Variants in GIGYF2 observed in about 807,000 individuals in gnomAD.
The protein encoded by GIGYF2 is GRB10 interacting GYF protein 2, also known as GRB10-interacting GYF protein 2.
Under a neutral mutation model 208.1 loss-of-function variants are expected in GIGYF2, and 25 were observed. The observed-to-expected ratio is 0.12, with a 90% confidence interval of 0.09 to 0.17. The LOEUF is 0.17. Ranked by LOEUF, GIGYF2 falls within the 10% of genes least tolerant of loss-of-function variation. GIGYF2 has a pLI of 1.00. For synonymous variants in GIGYF2, 534 were observed against 543.8 expected (o/e 0.98, Z 0.25); for missense variants, 1,302 against 1,579.4 (o/e 0.82, Z 2.98).
chr2:232,830,807 C>A (rs1257834375), intron 21 of GIGYF2, among the ~76,000 whole-genome samples: 3 of 106,952 alleles, frequency 2.8e-5, no homozygotes, highest in African/African-American at 1.1e-4. Flanking sequence ...ATAGCGAGAC[C>A]CTGTCTCTAC....
At chr2:232,702,209 T>G (rs1462481020) in intron 1 of GIGYF2, among the ~76,000 whole-genome samples, 4 of 151,702 alleles carry the variant, frequency 2.6e-5, no homozygotes, top group African/African-American at 7.3e-5. Context: ...GAGGCTGAGG[T>G]GGGTGGATCA....
chr2:232,701,972 G>T, intron 1 of GIGYF2, among the ~76,000 whole-genome samples: 1 of 151,924 alleles, frequency 6.6e-6, no homozygotes, highest in East Asian at 1.9e-4. Context: ...ACCAGCCGGG[G>T]CAACAGAGAG....
intron 22 of GIGYF2, 84 bp downstream of exon 22, chr2:232,833,177 A>G (rs1701476811): frequency 1.4e-6 from 1 of 727,432 alleles, no homozygotes; most frequent in Admixed American, 2.9e-5. Context: ...TAGCAGTAAA[A>G]CTGTTCTTTC....
Position 232,783,939 on chromosome 2 carries a change from C to T in GIGYF2, c.533-3211C>T, listed in dbSNP as rs1025985793. ...CTGACCTCAGGTGATCCGCCCGCCT[C>T]GGCCTCCCAAAGTGCAGGGATTACA... On this transcript the variant is annotated intron_variant, in intron 8 of 28. Coordinates refer to ENST00000373563, the MANE Select transcript of GIGYF2 (RefSeq NM_001103146.3). Among the ~76,000 whole-genome samples the T allele has an allele frequency of 1.5e-4, 23 of 152,304 alleles. No individual in the cohort carries two copies. The East Asian group carries it at 2.1e-3, about 14-fold the overall frequency.
intron 2 of GIGYF2, 104 bp from the exon 3 acceptor site, chr2:232,735,051 A>C: frequency 1.5e-6 from 1 of 649,570 alleles, no homozygotes; most frequent in East Asian, 2.7e-5. Context: ...TTGTGACTCT[A>C]GTTGAGAGGA....
intron 2 of GIGYF2, among the ~76,000 whole-genome samples, chr2:232,714,792 T>C (rs1696602524): frequency 6.9e-6 from 1 of 143,946 alleles, no homozygotes; most frequent in Non-Finnish European, 1.5e-5. Context: ...TCTGGCATCT[T>C]TTTTTTTTTC....
At chr2:232,799,542 C>T (rs1700327691) in intron 14 of GIGYF2, among the ~76,000 whole-genome samples, 1 of 122,444 alleles carries the variant, frequency 8.2e-6, no homozygotes, top group Non-Finnish European at 1.7e-5. Context: ...ACAGCAAGAC[C>T]CTGTCTTTAA....
In GIGYF2 at chr2:232,790,996, C is replaced by G; in HGVS notation, c.931-12C>G. ...TCTGCTGTTGATCTTTGGTTTTATT[C>G]TCTTTCTACAGAAAGTACAGAAAGA... On this transcript the variant is annotated splice_polypyrimidine_tract_variant and intron_variant, in intron 10 of 28. Coordinates refer to ENST00000373563, the MANE Select transcript of GIGYF2 (RefSeq NM_001103146.3). 1 of 1,613,918 alleles carries G rather than the reference C, an allele frequency of 6.2e-7. No individual in the cohort carries two copies. Among genetic ancestry groups the G allele is most frequent in the Non-Finnish European group, 8.5e-7 (1 of 1,179,864 alleles).
chr2:232,734,986 A>G (rs1370260353), intron 2 of GIGYF2, among the ~76,000 whole-genome samples, 169 bp from the exon 3 acceptor site: 1 of 152,142 alleles, frequency 6.6e-6, no homozygotes, highest in Non-Finnish European at 1.5e-5. Context: ...TGATTTATTC[A>G]TTTCACTTTG....
chr2:232,787,499 C>T (rs1392038787), intron 9 of GIGYF2, among the ~76,000 whole-genome samples, 170 bp downstream of exon 9: 1 of 152,106 alleles, frequency 6.6e-6, no homozygotes, highest in African/African-American at 2.4e-5. Context: ...TAAAAATTTC[C>T]TACATCTATT....
intron 22 of GIGYF2, among the ~76,000 whole-genome samples, chr2:232,836,292 A>AC (rs1429506038): frequency 2.0e-4 from 2 of 9,884 alleles, no homozygotes; most frequent in Admixed American, 1.3e-3. Context: ...ATATATATAT[A>AC]TATATATATA....
intron 14 of GIGYF2, among the ~76,000 whole-genome samples, chr2:232,805,072 C>T (rs1265642744): frequency 2.0e-5 from 3 of 151,362 alleles, no homozygotes; most frequent in African/African-American, 4.9e-5. Context: ...ACCCATCACT[C>T]GAGCAGTATA....
chr2:232,708,788 G>C (rs1696251288), intron 2 of GIGYF2, among the ~76,000 whole-genome samples: 1 of 151,352 alleles, frequency 6.6e-6, no homozygotes, highest in African/African-American at 2.4e-5. Flanking sequence ...TTGCACTCCA[G>C]CCTGGGTGAC....
At chr2:232,700,411 T>TA (rs1695790656) in intron 1 of GIGYF2, among the ~76,000 whole-genome samples, 1 of 152,252 alleles carries the variant, frequency 6.6e-6, no homozygotes, top group Non-Finnish European at 1.5e-5. Context: ...TGATAGTGAT[T>TA]GCTATCTGGG....
intron 8 of GIGYF2, chr2:232,766,824 C>G (rs1376244536): frequency 3.9e-5 from 6 of 152,178 alleles, no homozygotes; most frequent in African/African-American, 1.4e-4. Flanking sequence ...TGATTCCTGC[C>G]TAGGTCATCA....
Position 232,829,962 on chromosome 2 carries a change from C to CATTT in GIGYF2, c.2530-2895_2530-2894insATTT, listed in dbSNP as rs1277574612. ...TCTCTCTGGTGTTCATTCATTCATT[C>CATTT]GTTTGTTTGTTTGTTTATTTATTTA... On this transcript the variant is annotated intron_variant, in intron 21 of 28. Transcript: ENST00000373563. 2.0e-3 allele frequency among the ~76,000 whole-genome samples: 309 copies of CATTT among 152,018 alleles called. 2 individuals carry two copies. The highest frequency in any genetic ancestry group is 0.018 in the Admixed American group (277 of 15,266).
chr2:232,792,911 A>G (rs1700114218), intron 12 of GIGYF2, among the ~76,000 whole-genome samples: 1 of 152,202 alleles, frequency 6.6e-6, no homozygotes, highest in Non-Finnish European at 1.5e-5. Context: ...CTCCAGATTT[A>G]TAGTGTGTAG....
intron 2 of GIGYF2, chr2:232,705,787 T>TC (rs1296449505): frequency 6.6e-6 from 1 of 152,482 alleles, no homozygotes; most frequent in Non-Finnish European, 1.5e-5. Context: ...CACTGCAACC[T>TC]CCGTTTCCTG....
chr2:232,788,807 A>G (rs760984601), intron 9 of GIGYF2, among the ~76,000 whole-genome samples: 1 of 152,084 alleles, frequency 6.6e-6, no homozygotes, highest in Non-Finnish European at 1.5e-5. Context: ...CTTTTAATCC[A>G]TATACATATA....
Sources: gnomAD v4.1 joint callset for allele counts (sites outside exome capture counted in the v4.1 genomes callset) on GRCh38, gnomAD v4.1.1 for gene constraint, MANE v1.5 for transcripts, NCBI Gene and HGNC (gene_info 2026-07-23, HGNC 2026-07-21) for gene names.